NEDD4: variants seen among roughly 807,000 people sequenced by gnomAD.
NEDD4 encodes the protein E3 ubiquitin-protein ligase NEDD4.
In NEDD4, 99 loss-of-function variants were observed where a neutral mutation model predicts 144.9. The observed-to-expected ratio is 0.68, with a 90% confidence interval of 0.58 to 0.81. The LOEUF (loss-of-function observed/expected upper bound fraction) is 0.81. NEDD4 is among the 30% of genes least tolerant of loss of function. The probability of loss-of-function intolerance (pLI) is 0.00; values close to 1 mark genes in which losing one functional copy is unlikely to be tolerated. For missense variants in NEDD4, 985 were observed against 1,065.9 expected, an observed-to-expected ratio of 0.92 and a Z score of 1.06; for synonymous variants, 318 against 350.6, an observed-to-expected ratio of 0.91 and a Z score of 1.04.
chr15:55,887,108 AC>A (rs1466825920), intron 5 of NEDD4, among the ~76,000 whole-genome samples: 8 of 152,194 alleles, frequency 5.3e-5, no homozygotes, highest in African/African-American at 1.9e-4. Context: ...GCAAGAGCAA[AC>A]CAAACCCAAA....
chr15:55,873,441 C>G (rs762655162), intron 6 of NEDD4, among the ~76,000 whole-genome samples: 1 of 152,118 alleles, frequency 6.6e-6, no homozygotes, highest in African/African-American at 2.4e-5. Flanking sequence ...CACTTTTCTA[C>G]AAGAGACGCC....
chr15:55,993,397 G>A, intron 1 of NEDD4, 114 bp downstream of exon 1: 2 of 1,343,752 alleles, frequency 1.5e-6, no homozygotes, highest in Admixed American at 2.3e-5. Context: ...TCGCGCCGAG[G>A]GAGGAGGGGC....
At chr15:55,862,775 T>C in intron 9 of NEDD4, 138 bp downstream of exon 9, 1 of 742,666 alleles carries the variant, frequency 1.3e-6, no homozygotes, top group Non-Finnish European at 1.9e-6. Context: ...TTTAAAGTCC[T>C]GGGCAATAAA....
intron 5 of NEDD4, among the ~76,000 whole-genome samples, chr15:55,923,519 C>T (rs967876753): frequency 2.6e-5 from 4 of 151,388 alleles, no homozygotes; most frequent in African/African-American, 7.3e-5. Flanking sequence ...TGGTGGTGAG[C>T]GCCTGTGGTC....
At chr15:55,941,563 AT>A (rs2037005208) in intron 4 of NEDD4, among the ~76,000 whole-genome samples, 1 of 149,396 alleles carries the variant, frequency 6.7e-6, no homozygotes, top group South Asian at 2.1e-4. Flanking sequence ...ACCCTGTTAA[AT>A]TTCTTTTTTT....
chr15:55,897,472 G>C (rs2035775336), intron 5 of NEDD4, among the ~76,000 whole-genome samples: 1 of 152,200 alleles, frequency 6.6e-6, no homozygotes, highest in Non-Finnish European at 1.5e-5. Context: ...ATCAAAAGAA[G>C]ATGGTATCAG....
intron 4 of NEDD4, among the ~76,000 whole-genome samples, chr15:55,946,084 A>C (rs1411218777): frequency 3.3e-5 from 5 of 152,242 alleles, no homozygotes; most frequent in Non-Finnish European, 5.9e-5. Context: ...TGCTATGAAG[A>C]AACTCCATCA....
At chr15:55,915,976 TAC>T (rs1384340871) in intron 5 of NEDD4, 1 of 1,613,630 alleles carries the variant, frequency 6.2e-7, no homozygotes, top group Non-Finnish European at 8.5e-7. Flanking sequence ...CTCAGAAGAG[TAC>T]ACAGACTTGT....
At chr15:55,985,766 C>CACAG (rs1313221325) in intron 1 of NEDD4, among the ~76,000 whole-genome samples, 1 of 151,420 alleles carries the variant, frequency 6.6e-6, no homozygotes, top group African/African-American at 2.4e-5. Context: ...CACATACACA[C>CACAG]ACACACACAC....
intron 5 of NEDD4, among the ~76,000 whole-genome samples, chr15:55,918,482 C>G (rs2036506878): frequency 6.6e-6 from 1 of 151,860 alleles, no homozygotes; most frequent in South Asian, 2.1e-4. Context: ...TAAAATAGTT[C>G]CGTTGTTTAT....
At chr15:55,942,175 A>G (rs1465601740) in intron 4 of NEDD4, among the ~76,000 whole-genome samples, 3 of 152,146 alleles carry the variant, frequency 2.0e-5, no homozygotes, top group Non-Finnish European at 4.4e-5. Context: ...TTTAAAGATT[A>G]CTAGGTCCAT....
intron 21 of NEDD4, among the ~76,000 whole-genome samples, chr15:55,838,973 A>G (rs2033342414): frequency 1.3e-5 from 2 of 152,172 alleles, no homozygotes; most frequent in African/African-American, 4.8e-5. Flanking sequence ...AGCACTTAGC[A>G]CATTCCTCAT....
At chr15:55,957,273 CTG>C (rs2142313644) in intron 2 of NEDD4, among the ~76,000 whole-genome samples, 1 of 152,094 alleles carries the variant, frequency 6.6e-6, no homozygotes, top group East Asian at 1.9e-4. Context: ...TCCTTTTTGA[CTG>C]TGTGATTTTT....
chr15:55,985,304 G>T (rs2037872129), intron 1 of NEDD4, among the ~76,000 whole-genome samples: 1 of 152,230 alleles, frequency 6.6e-6, no homozygotes, highest in Non-Finnish European at 1.5e-5. Context: ...GAGTGAGGGT[G>T]AATTTCACAG....
intron 8 of NEDD4, among the ~76,000 whole-genome samples, chr15:55,868,338 C>T (rs559057751): frequency 1.3e-5 from 2 of 152,306 alleles, no homozygotes; most frequent in South Asian, 2.1e-4. Context: ...AATTTGGTGC[C>T]ATACGCTGTG....
In NEDD4 at chr15:55,833,051, A is replaced by G. The variant is rs373370531; in HGVS notation, c.2484T>C (p.Thr828=). ...CATTCATAGGCACCCGAGATGTGCC[A>G]GTGACAAACTGAAGTAATCTTATTC... ...EKRIRLLQFV[T]GTSRVPMNGF... Residue 828 remains threonine (T), a synonymous_variant, in exon 27 of 29, where the codon ACT becomes ACC. Coordinates refer to ENST00000435532, the MANE Select transcript of NEDD4 (RefSeq NM_006154.4). 82 of 1,613,618 alleles carry G rather than the reference A, an allele frequency of 5.1e-5. No individual in the cohort carries two copies. Among genetic ancestry groups the G allele is most frequent in the Non-Finnish European group, 6.9e-5 (81 of 1,179,864 alleles).
At chr15:55,894,969 G>A (rs1171563118) in intron 5 of NEDD4, among the ~76,000 whole-genome samples, 1 of 152,092 alleles carries the variant, frequency 6.6e-6, no homozygotes, top group African/African-American at 2.4e-5. Context: ...TGAGAAAAAG[G>A]TTTTGCATTT....
At chr15:55,951,333 A>C (rs1232291141) in intron 4 of NEDD4, 43 bp downstream of exon 4, 1 of 796,470 alleles carries the variant, frequency 1.3e-6, no homozygotes, top group Non-Finnish European at 1.9e-6. Context: ...CCTAAGAAAA[A>C]AACTTACTTT....
intron 1 of NEDD4, among the ~76,000 whole-genome samples, chr15:55,967,233 C>T (rs1272666071): frequency 2.0e-5 from 3 of 151,798 alleles, no homozygotes; most frequent in Non-Finnish European, 4.4e-5. Flanking sequence ...TTTTTAAATC[C>T]CATTCAACAG....
Sources: gnomAD v4.1 joint callset for allele counts (sites outside exome capture counted in the v4.1 genomes callset) on GRCh38, gnomAD v4.1.1 for gene constraint, MANE v1.5 for transcripts, NCBI Gene and HGNC (gene_info 2026-07-23, HGNC 2026-07-21) for gene names.